GARIN1A: variants seen among roughly 807,000 people sequenced by gnomAD.
The protein encoded by GARIN1A is golgi associated RAB2 interactor 1A.
chr7:128,679,884 C>T, the GARIN1A span: 13 of 499,318 alleles, frequency 2.6e-5, no homozygotes, highest in Admixed American at 1.2e-4. Flanking sequence ...GGATGATTCT[C>T]GGGACTTAAT....
the GARIN1A span, among the ~76,000 whole-genome samples, chr7:128,701,636 G>A: frequency 3.9e-5 from 6 of 151,988 alleles, 1 homozygote; most frequent in Admixed American, 3.3e-4. Flanking sequence ...AGGGATGGTT[G>A]CAGAGCAGGT....
the GARIN1A span, chr7:128,684,043 C>T: frequency 8.3e-6 from 1 of 120,404 alleles, no homozygotes; most frequent in Non-Finnish European, 2.0e-5. Context: ...CCAGGCACCT[C>T]CTCCAACACT....
chr7:128,703,613 C>A, the GARIN1A span, among the ~76,000 whole-genome samples: 1 of 152,094 alleles, frequency 6.6e-6, no homozygotes, highest in Non-Finnish European at 1.5e-5. Context: ...CCCGTCTCTA[C>A]AACAAATTTT....
the GARIN1A span, among the ~76,000 whole-genome samples, chr7:128,697,154 G>T: frequency 6.6e-6 from 1 of 152,134 alleles, no homozygotes; most frequent in Non-Finnish European, 1.5e-5. Context: ...GTTTTAGTTG[G>T]GATTCACTCT....
At chr7:128,707,216 A>ATGTGTGTGTG in the GARIN1A span, among the ~76,000 whole-genome samples, 26 of 47,430 alleles carry the variant, frequency 5.5e-4, no homozygotes, top group African/African-American at 1.7e-3. Context: ...TATTGTGTGT[A>ATGTGTGTGTG]TGTATGTGTG....
the GARIN1A span, among the ~76,000 whole-genome samples, chr7:128,706,344 C>T: frequency 0.15 from 23,347 of 152,046 alleles, 2,153 homozygotes; most frequent in African/African-American, 0.25. Context: ...AATCTACATA[C>T]TTAGCGTGCT....
At chr7:128,697,772 C>T in the GARIN1A span, 1 of 156,254 alleles carries the variant, frequency 6.4e-6, no homozygotes, top group Non-Finnish European at 1.4e-5. Flanking sequence ...ACCCCACCGG[C>T]TTGGCTGTGC....
the GARIN1A span, chr7:128,684,614 CAAA>C: frequency 0.12 from 11,377 of 92,348 alleles, 420 homozygotes; most frequent in South Asian, 0.21. Context: ...GACTCCATCT[CAAA>C]AAAAAAAAAA....
At chr7:128,693,884 T>C in the GARIN1A span, 1 of 155,888 alleles carries the variant, frequency 6.4e-6, no homozygotes, top group Non-Finnish European at 1.4e-5. Flanking sequence ...AAGCAACACA[T>C]GCCATCATAC....
the GARIN1A span, among the ~76,000 whole-genome samples, chr7:128,703,152 T>A: frequency 1.2e-3 from 176 of 152,278 alleles, no homozygotes; most frequent in African/African-American, 4.2e-3. Context: ...TAAAAATCAG[T>A]AAAAATACAG....
chr7:128,688,519 C>A, the GARIN1A span, among the ~76,000 whole-genome samples: 2 of 152,108 alleles, frequency 1.3e-5, no homozygotes, highest in African/African-American at 4.8e-5. Context: ...TACTTCCCTC[C>A]TATACTACCA....
chr7:128,688,242 C>T, the GARIN1A span, among the ~76,000 whole-genome samples: 17 of 152,162 alleles, frequency 1.1e-4, no homozygotes, highest in Non-Finnish European at 5.9e-5. Flanking sequence ...GATCTCCTGA[C>T]CTCATGATCT....
At chr7:128,677,500 G>A in the GARIN1A span, 2,839 of 295,970 alleles carry the variant, frequency 9.6e-3, 11 homozygotes, top group African/African-American at 0.02. Flanking sequence ...GCGAGACTCC[G>A]TCTCAAAAAA....
At chr7:128,701,711 G>A in the GARIN1A span, among the ~76,000 whole-genome samples, 1 of 151,990 alleles carries the variant, frequency 6.6e-6, no homozygotes, top group South Asian at 2.1e-4. Flanking sequence ...GGCTAGGAGG[G>A]GGTTGTTCAC....
the GARIN1A span, chr7:128,690,661 C>G: frequency 6.6e-6 from 1 of 152,088 alleles, no homozygotes; most frequent in Non-Finnish European, 1.5e-5. Flanking sequence ...TCCACATGTT[C>G]TATGCAATTT....
the GARIN1A span, among the ~76,000 whole-genome samples, chr7:128,696,197 T>A: frequency 6.6e-6 from 1 of 151,920 alleles, no homozygotes; most frequent in Admixed American, 6.6e-5. Flanking sequence ...ATATTATTAT[T>A]TGTAGAGGTG....
At chr7:128,706,446 C>T in the GARIN1A span, among the ~76,000 whole-genome samples, 12 of 151,904 alleles carry the variant, frequency 7.9e-5, no homozygotes, top group Admixed American at 3.3e-4. Flanking sequence ...TATGCACAGA[C>T]ATTTTTATAC....
chr7:128,701,562 G>C, the GARIN1A span, among the ~76,000 whole-genome samples: 8 of 152,076 alleles, frequency 5.3e-5, no homozygotes, highest in Non-Finnish European at 1.2e-4. Context: ...AGCTAATTCT[G>C]ATTGGCTATT....
the GARIN1A span, among the ~76,000 whole-genome samples, chr7:128,676,299 C>T: frequency 1.3e-5 from 2 of 152,002 alleles, no homozygotes; most frequent in African/African-American, 2.4e-5. Context: ...CGTGAGCCAC[C>T]GCGCCTGACC....
Sources: allele counts gnomAD v4.1 joint callset (sites outside exome capture counted in the v4.1 genomes callset), GRCh38; gene constraint gnomAD v4.1.1; transcripts MANE v1.5; gene names NCBI Gene and HGNC (gene_info 2026-07-23, HGNC 2026-07-21).